The following IQCM variants were observed in gnomAD, a reference collection of about 807,000 sequenced individuals.
IQCM encodes IQ motif containing M.
A neutral mutation model predicts 57.6 loss-of-function variants in IQCM; 45 were observed. That is an observed-to-expected ratio of 0.78 (90% confidence interval 0.62 to 1.00). IQCM has a LOEUF of 1.00. Among genes scored for constraint, IQCM ranks in the 50% least tolerant of loss-of-function variants. The pLI, the probability that IQCM is intolerant of heterozygous loss-of-function variation, is 0.00. For synonymous variants in IQCM, 148 were observed against 158.9 expected (o/e 0.93, Z 0.51); for missense variants, 468 against 511.6 (o/e 0.91, Z 0.82).
chr4:149,787,720 G>A (rs887712004), intron 2 of IQCM, among the ~76,000 whole-genome samples: 1 of 152,092 alleles, frequency 6.6e-6, no homozygotes, highest in East Asian at 1.9e-4. Flanking sequence ...CATAAGACCT[G>A]AAACTATAAA....
chr4:149,747,677 G>A (rs915013632), intron 2 of IQCM, among the ~76,000 whole-genome samples: 1 of 152,074 alleles, frequency 6.6e-6, no homozygotes, highest in Non-Finnish European at 1.5e-5. Context: ...CTTGTGAGAG[G>A]GCCATAAAAT....
At chr4:149,658,440 G>A (rs999313622) in intron 7 of IQCM, among the ~76,000 whole-genome samples, 1 of 152,010 alleles carries the variant, frequency 6.6e-6, no homozygotes, top group Non-Finnish European at 1.5e-5. Flanking sequence ...GTTGTGTAAT[G>A]CCTCAAGCTT....
At position 149,389,663 on chromosome 4, in the gene IQCM, A is replaced by T. The variant is rs558714493; in HGVS notation, c.1391-37597T>A. 1.9e-3 allele frequency among the ~76,000 whole-genome samples: 276 copies of T among 145,352 alleles called. 3 individuals are homozygous for T. The highest frequency in any genetic ancestry group is 6.7e-3 in the African/African-American group (265 of 39,602). On this transcript the variant is annotated intron_variant, in intron 13 of 13. Transcript: ENST00000636793. Reference sequence around the variant, plus strand: ...CATAGGTGGGAACAGAACAATGAGAACACATGGACACGGGAAGGGGAACAT... The same window carrying T: ...CATAGGTGGGAACAGAACAATGAGATCACATGGACACGGGAAGGGGAACAT...
intron 2 of IQCM, among the ~76,000 whole-genome samples, chr4:149,753,416 A>C (rs1768651469): frequency 6.6e-6 from 1 of 152,168 alleles, no homozygotes; most frequent in Non-Finnish European, 1.5e-5. Context: ...TTAAATAAAA[A>C]TACGTTCTTT....
At chr4:149,471,042 C>A (rs1050868371) in intron 12 of IQCM, among the ~76,000 whole-genome samples, 3 of 152,136 alleles carry the variant, frequency 2.0e-5, no homozygotes, top group African/African-American at 7.2e-5. Context: ...GACACCCTAA[C>A]ATCACAATTA....
At chr4:149,524,758 T>C (rs2149837950) in intron 12 of IQCM, among the ~76,000 whole-genome samples, 1 of 151,898 alleles carries the variant, frequency 6.6e-6, no homozygotes, top group South Asian at 2.1e-4. Context: ...CTTTGCAAGC[T>C]TTCAAAGGAA....
intron 13 of IQCM, among the ~76,000 whole-genome samples, chr4:149,426,870 A>G (rs1229439980): frequency 6.6e-6 from 1 of 151,916 alleles, no homozygotes; most frequent in Admixed American, 6.6e-5. Context: ...AAAAATACAC[A>G]CAAGCATGAA....
chr4:149,812,495 CACACACAG>C (rs1469630576), intron 2 of IQCM, among the ~76,000 whole-genome samples: 1 of 139,730 alleles, frequency 7.2e-6, no homozygotes, highest in African/African-American at 2.9e-5. Flanking sequence ...CACACACACA[CACACACAG>C]ACACACACAC....
At chr4:149,597,026 A>C (rs2726763) in intron 8 of IQCM, among the ~76,000 whole-genome samples, 76,218 of 151,820 alleles carry the variant, frequency 0.5, 19,432 homozygotes, top group South Asian at 0.59. Flanking sequence ...TTATTATGTA[A>C]AGACTATAAA....
intron 7 of IQCM, among the ~76,000 whole-genome samples, chr4:149,675,472 T>C (rs1761672594): frequency 1.3e-5 from 2 of 151,978 alleles, no homozygotes; most frequent in Admixed American, 1.3e-4. Context: ...AGGTTTCAGT[T>C]AGGCCAGGAA....
chr4:149,535,357 C>T (rs1389412082), intron 12 of IQCM, among the ~76,000 whole-genome samples: 1 of 151,970 alleles, frequency 6.6e-6, no homozygotes, highest in Non-Finnish European at 1.5e-5. Flanking sequence ...TTTCATGTAT[C>T]AGAGACTTGT....
chr4:149,679,073 C>T (rs1034263934), intron 7 of IQCM, among the ~76,000 whole-genome samples: 2 of 151,642 alleles, frequency 1.3e-5, no homozygotes, highest in African/African-American at 4.8e-5. Context: ...AAAAAGACAT[C>T]TGCATTCCCA....
intron 10 of IQCM, among the ~76,000 whole-genome samples, chr4:149,556,194 T>C (rs990893709): frequency 1.1e-4 from 16 of 152,356 alleles, no homozygotes; most frequent in African/African-American, 3.6e-4. Flanking sequence ...CTGATTATAA[T>C]ATTCCAATTT....
chr4:149,602,928 A>G (rs1407922825), intron 8 of IQCM, among the ~76,000 whole-genome samples: 1 of 152,108 alleles, frequency 6.6e-6, no homozygotes, highest in Non-Finnish European at 1.5e-5. Flanking sequence ...ACAAAATACA[A>G]AGGAAAAAGG....
intron 9 of IQCM, among the ~76,000 whole-genome samples, chr4:149,581,265 A>G (rs934764005): frequency 6.7e-6 from 1 of 149,848 alleles, no homozygotes; most frequent in Middle Eastern, 3.2e-3. Context: ...TTCAATTCAT[A>G]TATATATATA....
intron 7 of IQCM, among the ~76,000 whole-genome samples, chr4:149,650,807 T>G (rs2150133517): frequency 6.6e-6 from 1 of 152,286 alleles, no homozygotes; most frequent in East Asian, 1.9e-4. Flanking sequence ...CCATTTAACA[T>G]AAAAGTACAG....
chr4:149,701,485 G>T lies in IQCM; in HGVS notation c.386-15017C>A, dbSNP rs114215103. On this transcript the variant is annotated intron_variant, in intron 5 of 13. Coordinates refer to ENST00000636793, the MANE Select transcript of IQCM (RefSeq NM_001363507.2). ...CATGAGAGAGTGTTTGAGAATAAAG[G>T]TTGTTTTTATTTATTTAATTTTTTG... Among the ~76,000 whole-genome samples, 956 of 152,024 alleles carry T rather than the reference G, an allele frequency of 6.3e-3. 13 individuals are homozygous for T. The highest frequency in any genetic ancestry group is 0.022 in the African/African-American group (909 of 41,486).
At chr4:149,492,359 T>C (rs1025574222) in intron 12 of IQCM, among the ~76,000 whole-genome samples, 3 of 152,070 alleles carry the variant, frequency 2.0e-5, no homozygotes, top group Non-Finnish European at 2.9e-5. Flanking sequence ...ATGTGTCAGA[T>C]AACTCTAGCA....
At chr4:149,793,933 A>G (rs1772875719) in intron 2 of IQCM, among the ~76,000 whole-genome samples, 1 of 152,214 alleles carries the variant, frequency 6.6e-6, no homozygotes, top group South Asian at 2.1e-4. Context: ...GATTCTAAAA[A>G]TGTAAAAACA....
Sources: allele counts gnomAD v4.1 joint callset (sites outside exome capture counted in the v4.1 genomes callset), GRCh38; gene constraint gnomAD v4.1.1; transcripts MANE v1.5; gene names NCBI Gene and HGNC (gene_info 2026-07-23, HGNC 2026-07-21).